The following SLC35D2 variants were observed in gnomAD, a reference collection of about 807,000 sequenced individuals.
SLC35D2 encodes nucleotide sugar transporter SLC35D2.
SLC35D2 carries 43 observed loss-of-function variants against 41.8 expected under a neutral mutation model. The observed-to-expected ratio is 1.03, with a 90% CI of 0.81 to 1.33. The LOEUF (loss-of-function observed/expected upper bound fraction) is 1.33, where lower values mean the gene tolerates loss of function less well. SLC35D2 is among the 40% of genes most tolerant of loss of function. The probability of loss-of-function intolerance (pLI) is 0.00; values close to 1 mark genes in which losing one functional copy is unlikely to be tolerated. For missense variants in SLC35D2, 380 were observed against 408.4 expected (o/e 0.93, Z 0.60); for synonymous variants, 150 against 163.9 (o/e 0.92, Z 0.65).
intron 6 of SLC35D2, 58 bp from the exon 7 acceptor site, chr9:96,345,459 A>C (rs1829533596): frequency 1.0e-6 from 1 of 961,662 alleles, no homozygotes; most frequent in South Asian, 1.4e-5. Flanking sequence ...CTTGGCCTCC[A>C]AGCCCGCCTG....
At chr9:96,358,399 G>A (rs1246600884) in intron 4 of SLC35D2, among the ~76,000 whole-genome samples, 3 of 151,830 alleles carry the variant, frequency 2.0e-5, no homozygotes, top group Non-Finnish European at 2.9e-5. Flanking sequence ...AAATGATTGT[G>A]AACTTCATTA....
chr9:96,327,878 T>C (rs538695194), intron 9 of SLC35D2, among the ~76,000 whole-genome samples: 1 of 144,984 alleles, frequency 6.9e-6, no homozygotes, highest in South Asian at 2.1e-4. Context: ...CTCTCTGGCC[T>C]CCCAAAGTGC....
chr9:96,381,626 T>C lies in SLC35D2; in HGVS notation c.158+1851A>G, dbSNP rs192089643. 3.9e-5 allele frequency among the ~76,000 whole-genome samples: 6 copies of C among 152,202 alleles called. No homozygotes were observed. In the East Asian group the frequency reaches 9.6e-4, roughly 24 times the overall value. ...CCCAGCACCTTGGTCACATCTGACATAATGTAAATGTTACTGGCTCATTTA... is the reference window on the plus strand; with the variant it reads ...CCCAGCACCTTGGTCACATCTGACACAATGTAAATGTTACTGGCTCATTTA... On this transcript the variant is annotated intron_variant, in intron 1 of 11. Transcript: ENST00000253270.
At chr9:96,349,388 C>T (rs1198880199) in intron 6 of SLC35D2, among the ~76,000 whole-genome samples, 1 of 152,160 alleles carries the variant, frequency 6.6e-6, no homozygotes, top group Admixed American at 6.5e-5. Context: ...GTCCCCATTC[C>T]CTGCCCTCCC....
At chr9:96,335,246 G>A (rs1471060251) in intron 9 of SLC35D2, among the ~76,000 whole-genome samples, 3 of 152,172 alleles carry the variant, frequency 2.0e-5, no homozygotes, top group African/African-American at 7.2e-5. Context: ...TGGAATGAAT[G>A]CCCGCTCAGG....
rs994279462 is a variant in SLC35D2 at position 96,322,077 on chromosome 9, C to T, written c.835G>A (p.Val279Ile). 6.3e-7 allele frequency: 1 copy of T among 1,585,584 alleles called. No individual in the cohort carries two copies. Residue 279 changes from valine to isoleucine, a missense_variant, in exon 11 of 12, where the codon GTA becomes ATA. Coordinates refer to ENST00000253270, the MANE Select transcript of SLC35D2 (RefSeq NM_007001.3). ...AATATCCCAATGTAGGCAACGGATA[C>T]ATTCTGCAGAAAAAGAGAGAGGATT... Reference protein sequence around the residue: ...TTAVVGAIKNVSVAYIGILIG... With the variant: ...TTAVVGAIKNISVAYIGILIG...
chr9:96,337,293 G>C (rs1829090027), intron 8 of SLC35D2, among the ~76,000 whole-genome samples: 1 of 151,988 alleles, frequency 6.6e-6, no homozygotes, highest in Non-Finnish European at 1.5e-5. Context: ...GCTCACTGCA[G>C]CCTCTACCTC....
At chr9:96,355,107 C>T (rs1381122410) in intron 4 of SLC35D2, among the ~76,000 whole-genome samples, 1 of 151,416 alleles carries the variant, frequency 6.6e-6, no homozygotes, top group African/African-American at 2.4e-5. Context: ...GCAACCTCCG[C>T]CTCCTGGCTC....
In SLC35D2 at chr9:96,383,698, G is replaced by A. The variant is rs906404483; in HGVS notation, c.-64C>T. The A allele has an allele frequency of 2.0e-5, 19 of 955,328 alleles. No homozygotes were observed. The highest frequency in any genetic ancestry group is 2.4e-5 in the Non-Finnish European group (19 of 800,970). 59.2% of individuals were successfully genotyped at this position (955,328 alleles called of 1,614,324 possible). Reference sequence around the variant, plus strand: ...GGCTGCGCACTGGTCCCGCCCGGCCGGGCCGGGGAAGAGGGCGCGGCAGGA... The same window carrying A: ...GGCTGCGCACTGGTCCCGCCCGGCCAGGCCGGGGAAGAGGGCGCGGCAGGA... On this transcript the variant is annotated 5_prime_UTR_variant, in exon 1 of 12. Coordinates refer to ENST00000253270, the MANE Select transcript of SLC35D2 (RefSeq NM_007001.3).
At chr9:96,339,954 GA>G (rs1829240743) in intron 8 of SLC35D2, among the ~76,000 whole-genome samples, 1 of 152,162 alleles carries the variant, frequency 6.6e-6, no homozygotes, top group Non-Finnish European at 1.5e-5. Context: ...GTTAACCAGG[GA>G]AAATGACTCA....
At chr9:96,375,135 G>C (rs147320780) in intron 1 of SLC35D2, among the ~76,000 whole-genome samples, 3,821 of 150,964 alleles carry the variant, frequency 0.025, 69 homozygotes, top group Middle Eastern at 0.056. Context: ...GGGATTACAA[G>C]CGCCCACCAC....
At chr9:96,362,873 T>G (rs1830330756) in intron 3 of SLC35D2, among the ~76,000 whole-genome samples, 1 of 150,584 alleles carries the variant, frequency 6.6e-6, no homozygotes, top group South Asian at 2.1e-4. Flanking sequence ...CTGTTTTGTT[T>G]TTTTTTTTTT....
chr9:96,344,333 A>G (rs1587676778), intron 7 of SLC35D2, among the ~76,000 whole-genome samples: 1 of 152,012 alleles, frequency 6.6e-6, no homozygotes. Flanking sequence ...AAAGAACATT[A>G]AAAATGTTAA....
intron 9 of SLC35D2, among the ~76,000 whole-genome samples, chr9:96,335,310 T>G (rs143587031): frequency 2.0e-5 from 3 of 152,118 alleles, no homozygotes; most frequent in Non-Finnish European, 4.4e-5. Context: ...AAAACTACAG[T>G]GTGGAGGCGA....
At chr9:96,323,021 T>C (rs942327658) in intron 10 of SLC35D2, among the ~76,000 whole-genome samples, 2 of 146,494 alleles carry the variant, frequency 1.4e-5, no homozygotes, top group South Asian at 4.6e-4. Flanking sequence ...GCCTGGTTTT[T>C]CTTTTTTTTT....
intron 8 of SLC35D2, among the ~76,000 whole-genome samples, chr9:96,338,620 A>G (rs1031632653): frequency 2.0e-4 from 31 of 152,142 alleles, no homozygotes; most frequent in African/African-American, 7.5e-4. Context: ...ATGGGCATAT[A>G]TGTGGAGTTT....
chr9:96,326,701 G>A (rs909317869), intron 9 of SLC35D2, among the ~76,000 whole-genome samples: 1 of 151,802 alleles, frequency 6.6e-6, no homozygotes, highest in Non-Finnish European at 1.5e-5. Context: ...GCTACTCGGA[G>A]GCGCTGAGGC....
intron 1 of SLC35D2, among the ~76,000 whole-genome samples, chr9:96,382,490 C>CTCTATATATATAT (rs1238926572): frequency 6.9e-6 from 1 of 144,856 alleles, no homozygotes; most frequent in African/African-American, 2.7e-5. Context: ...CACACACACA[C>CTCTATATATATAT]ACACACTATA....
chr9:96,324,454 G>C lies in SLC35D2; in HGVS notation c.753-285C>G, dbSNP rs1259445196. Among the ~76,000 whole-genome samples the C allele has an allele frequency of 2.0e-5, 3 of 151,912 alleles. No homozygotes were observed. In the East Asian group the frequency reaches 5.8e-4, roughly 29 times the overall value. ...CACAACATGGGAGTAAGGAGAACAA[G>C]GTTTAATGACCTGAAATCTCTCATT... On this transcript the variant is annotated intron_variant, in intron 9 of 11. Transcript: ENST00000253270.
Sources: gnomAD v4.1 joint callset for allele counts (sites outside exome capture counted in the v4.1 genomes callset) on GRCh38, gnomAD v4.1.1 for gene constraint, MANE v1.5 for transcripts, NCBI Gene and HGNC (gene_info 2026-07-23, HGNC 2026-07-21) for gene names.